Variants in ANK1 observed in about 807,000 individuals in gnomAD.
ANK1 encodes ankyrin 1, also known as ankyrin-1.
A neutral mutation model predicts 210.4 loss-of-function variants in ANK1; 51 were observed. The ratio of observed to expected loss-of-function variants is 0.24; its 90% CI spans 0.19 to 0.31. The LOEUF is 0.31. ANK1 is among the 10% of genes least tolerant of loss of function. ANK1 has a pLI of 1.00. For missense variants in ANK1, 2,051 were observed against 2,504.4 expected, an observed-to-expected ratio of 0.82 and a Z score of 3.86; for synonymous variants, 967 against 1,025.9, an observed-to-expected ratio of 0.94 and a Z score of 1.10.
chr8:41,672,036 A>G (rs1812557305), intron 38 of ANK1, among the ~76,000 whole-genome samples: 1 of 148,846 alleles, frequency 6.7e-6, no homozygotes, highest in Admixed American at 6.7e-5. Flanking sequence ...TCATGTCTCT[A>G]AGTGAGCTCT....
At chr8:41,870,747 T>C (rs1362157863) in intron 1 of ANK1, among the ~76,000 whole-genome samples, 1 of 152,122 alleles carries the variant, frequency 6.6e-6, no homozygotes, top group Non-Finnish European at 1.5e-5. Context: ...GTTAGCCGAG[T>C]CCCTGGCTTT....
At chr8:41,850,186 G>A (rs1330181972) in intron 1 of ANK1, among the ~76,000 whole-genome samples, 1 of 152,158 alleles carries the variant, frequency 6.6e-6, no homozygotes, top group African/African-American at 2.4e-5. Context: ...GGGGGTCCCG[G>A]CAACTTCCTT....
At chr8:41,772,704 G>A (rs980981859) in intron 1 of ANK1, among the ~76,000 whole-genome samples, 1 of 152,158 alleles carries the variant, frequency 6.6e-6, no homozygotes, top group Non-Finnish European at 1.5e-5. Context: ...GTGCCCCCAC[G>A]CTCCCTGTCC....
chr8:41,886,599 C>T (rs952691682), intron 1 of ANK1, among the ~76,000 whole-genome samples: 1 of 152,208 alleles, frequency 6.6e-6, no homozygotes, highest in Non-Finnish European at 1.5e-5. Flanking sequence ...GTTTCAACTG[C>T]GTTCTGACGG....
At chr8:41,687,334 C>T in intron 35 of ANK1, among the ~76,000 whole-genome samples, 1 of 152,222 alleles carries the variant, frequency 6.6e-6, no homozygotes, top group East Asian at 1.9e-4. Context: ...TGGATACTGA[C>T]CACTCGCACC....
chr8:41,836,486 G>A (rs769429821), intron 1 of ANK1, among the ~76,000 whole-genome samples: 9 of 152,292 alleles, frequency 5.9e-5, no homozygotes, highest in South Asian at 2.1e-4. Flanking sequence ...CCTTGACACC[G>A]CCCAGCAATG....
intron 2 of ANK1, among the ~76,000 whole-genome samples, chr8:41,744,930 A>G (rs1835723847): frequency 6.6e-6 from 1 of 152,234 alleles, no homozygotes; most frequent in Non-Finnish European, 1.5e-5. Flanking sequence ...AGCATGGAAA[A>G]CAGTCAAACA....
chr8:41,725,973 T>C (rs765576244), intron 5 of ANK1, 27 bp from the exon 6 acceptor site: 1 of 1,606,948 alleles, frequency 6.2e-7, no homozygotes, highest in Non-Finnish European at 8.5e-7. Flanking sequence ...AATGCTTTGC[T>C]CTGACTCGTC....
chr8:41,682,836 C>T (rs879859210), intron 37 of ANK1, among the ~76,000 whole-genome samples: 5 of 152,216 alleles, frequency 3.3e-5, no homozygotes, highest in African/African-American at 1.2e-4. Context: ...TCAAAGAAGT[C>T]TCGACACATG....
At chr8:41,662,885 C>G (rs958637436) in intron 40 of ANK1, among the ~76,000 whole-genome samples, 7 of 152,038 alleles carry the variant, frequency 4.6e-5, no homozygotes, top group African/African-American at 1.4e-4. Context: ...GAGTTAATAT[C>G]TGCTACCAAT....
At position 41,696,526 on chromosome 8, in the gene ANK1, C is replaced by T. The variant is rs756609009; in HGVS notation, c.2797G>A (p.Gly933Ser). 9.9e-6 allele frequency: 16 copies of T among 1,613,636 alleles called. No homozygotes were observed. Among genetic ancestry groups the T allele is most frequent in the East Asian group, 4.5e-5 (2 of 44,886 alleles). The change falls in exon 26 of 43, where the codon GGC (glycine) becomes AGC (serine). Residue 933 changes from glycine to serine, a missense_variant. Transcript: ENST00000289734. Reference protein sequence around the residue: ...GGSMRGSRHNGLRVVIPPRTC... With the variant: ...GGSMRGSRHNSLRVVIPPRTC... ...CGTGGCGGGATCACCACTCGCAGGC[C>T]GTTGTGGCGACTTCCTCTCATGGAA...
chr8:41,733,535 A>G (rs748314379), intron 3 of ANK1, among the ~76,000 whole-genome samples: 1 of 152,184 alleles, frequency 6.6e-6, no homozygotes, highest in Non-Finnish European at 1.5e-5. Context: ...TTTTCATACC[A>G]ACCCTGCAAC....
At chr8:41,825,346 A>C (rs967661971) in intron 1 of ANK1, among the ~76,000 whole-genome samples, 6 of 152,234 alleles carry the variant, frequency 3.9e-5, no homozygotes, top group Admixed American at 2.6e-4. Flanking sequence ...TTAATCTTTC[A>C]TCACAATTAT....
Position 41,725,830 on chromosome 8 carries a change from G to T in ANK1, c.543C>A (p.Ala181=), listed in dbSNP as rs988814172. Residue 181 remains alanine (A), a synonymous_variant, in exon 6 of 43, where the codon GCC becomes GCA. Coordinates refer to ENST00000289734, the MANE Select transcript of ANK1 (RefSeq NM_000037.4). The part of the protein sequence containing the change: ...KVRLPALHIA[A]RNDDTRTAAV... ...CAGCCGTGCGCGTGTCGTCGTTGCG[G>T]GCCGCGATGTGCAGGGCCGGGAGGC... 4 of 1,612,078 alleles carry T rather than the reference G, an allele frequency of 2.5e-6. No homozygotes were observed. Among genetic ancestry groups the T allele is most frequent in the Middle Eastern group, 1.9e-4 (1 of 5,240 alleles).
upstream of ANK1, among the ~76,000 whole-genome samples, chr8:41,801,729 G>A (rs993881249): frequency 2.0e-5 from 3 of 152,100 alleles, no homozygotes; most frequent in East Asian, 5.8e-4. Context: ...TTTTCTTATC[G>A]AGGTGGAGGA....
intron 1 of ANK1, among the ~76,000 whole-genome samples, chr8:41,811,276 T>C (rs1802443945): frequency 1.3e-5 from 2 of 152,246 alleles, no homozygotes. Flanking sequence ...CTTCAAAGTT[T>C]AATTATAAAC....
intron 37 of ANK1, among the ~76,000 whole-genome samples, chr8:41,682,250 G>A (rs983181834): frequency 6.6e-6 from 1 of 151,922 alleles, no homozygotes; most frequent in Non-Finnish European, 1.5e-5. Context: ...TCCCTGCTCT[G>A]AAATCTTCCA....
chr8:41,706,071 T>C (rs1349007425), intron 18 of ANK1, 72 bp downstream of exon 18: 1 of 1,445,776 alleles, frequency 6.9e-7, no homozygotes, highest in Non-Finnish European at 9.7e-7. Flanking sequence ...GTTTCAAAGC[T>C]CTGTGGAAGA....
chr8:41,804,689 T>A (rs530713638), intron 1 of ANK1, among the ~76,000 whole-genome samples: 2 of 152,248 alleles, frequency 1.3e-5, no homozygotes, highest in Non-Finnish European at 2.9e-5. Context: ...GCTACCAGTT[T>A]AGGAGATCAA....
Sources: allele counts gnomAD v4.1 joint callset (sites outside exome capture counted in the v4.1 genomes callset), GRCh38; gene constraint gnomAD v4.1.1; transcripts MANE v1.5; gene names NCBI Gene and HGNC (gene_info 2026-07-23, HGNC 2026-07-21).